ROBO1: variants seen among roughly 807,000 people sequenced by gnomAD.
ROBO1 encodes the protein roundabout guidance receptor 1.
In ROBO1, 149 loss-of-function variants were observed where a neutral mutation model predicts 195.9. The observed-to-expected ratio is 0.76, with a 90% CI of 0.67 to 0.87. The LOEUF is 0.87. Ranked by LOEUF, ROBO1 falls within the 40% of genes least tolerant of loss-of-function variation. The pLI is 0.00. For synonymous variants in ROBO1, 816 were observed against 733.2 expected (o/e 1.11, Z -1.82); for missense variants, 1,933 against 2,068.3 (o/e 0.93, Z 1.27).
rs1361267418 is a variant in ROBO1 at position 79,325,485 on chromosome 3, G to GA, written c.89-199947dup. On this transcript the variant is annotated intron_variant, in intron 2 of 30. Coordinates refer to ENST00000464233, the MANE Select transcript of ROBO1 (RefSeq NM_002941.4). ...TCTCATTGTCAAGATTATTTTCTGT[G>GA]AAAAAAATATCACATGCAAATATTA... Among the ~76,000 whole-genome samples the GA allele has an allele frequency of 3.3e-5, 5 of 152,220 alleles. No individual in the cohort carries two copies. The East Asian group carries it at 9.7e-4, about 29-fold the overall frequency.
intron 2 of ROBO1, among the ~76,000 whole-genome samples, chr3:79,242,271 GA>G (rs200561846): frequency 0.015 from 2,145 of 141,670 alleles, 28 homozygotes; most frequent in African/African-American, 0.036. Flanking sequence ...ATTGTGATAT[GA>G]AAAAAAAAAA....
chr3:79,157,766 G>T (rs1297667574), intron 2 of ROBO1, among the ~76,000 whole-genome samples: 2 of 151,844 alleles, frequency 1.3e-5, no homozygotes, highest in Non-Finnish European at 2.9e-5. Context: ...AATAATCTAG[G>T]TAACCACAGA....
intron 2 of ROBO1, among the ~76,000 whole-genome samples, chr3:79,293,731 C>A (rs942016417): frequency 7.9e-5 from 12 of 152,138 alleles, no homozygotes; most frequent in African/African-American, 2.4e-4. Flanking sequence ...CTATCCCCAT[C>A]AAGCTACCAT....
intron 5 of ROBO1, among the ~76,000 whole-genome samples, chr3:78,729,450 T>C (rs2082238972): frequency 6.6e-6 from 1 of 152,228 alleles, no homozygotes; most frequent in Non-Finnish European, 1.5e-5. Flanking sequence ...TTTGCTTGCT[T>C]AGGTGTAGCT....
intron 2 of ROBO1, among the ~76,000 whole-genome samples, chr3:79,333,410 A>T (rs1032557637): frequency 3.3e-5 from 5 of 152,178 alleles, no homozygotes; most frequent in African/African-American, 1.2e-4. Flanking sequence ...CTTATCAATT[A>T]TCAAGCATGT....
At chr3:79,118,598 G>T (rs192147559) in intron 3 of ROBO1, among the ~76,000 whole-genome samples, 1 of 151,976 alleles carries the variant, frequency 6.6e-6, no homozygotes. Context: ...GGCTGGGCGC[G>T]GTGGCTCACG....
Position 78,847,425 on chromosome 3 carries a change from G to A in ROBO1, c.499+91176C>T, listed in dbSNP as rs772106693. On this transcript the variant is annotated intron_variant, in intron 4 of 30. Transcript: ENST00000464233. ...CTGGTAGCTCGTGGAGATTAGTTCC[G>A]CCAGAATGTAGAGTACCTGAAGTTG... Among the ~76,000 whole-genome samples, 11 of 152,036 alleles carry A rather than the reference G, an allele frequency of 7.2e-5. No homozygotes were observed. The East Asian group carries it at 1.5e-3, about 21-fold the overall frequency.
At chr3:79,007,129 T>A (rs1375493187) in intron 3 of ROBO1, among the ~76,000 whole-genome samples, 1 of 150,846 alleles carries the variant, frequency 6.6e-6, no homozygotes, top group East Asian at 2.0e-4. Flanking sequence ...ATAAGAAAAA[T>A]TTAAAAAAAA....
chr3:78,860,326 A>ATATATATATATATATATTTT (rs376853384), intron 4 of ROBO1, among the ~76,000 whole-genome samples: 5 of 93,516 alleles, frequency 5.3e-5, no homozygotes, highest in African/African-American at 2.3e-4. Flanking sequence ...ATATATATAT[A>ATATATATATATATATATTTT]TTTTTTTTTT....
intron 2 of ROBO1, among the ~76,000 whole-genome samples, chr3:79,457,045 T>C (rs1486081504): frequency 6.6e-6 from 1 of 152,198 alleles, no homozygotes; most frequent in Admixed American, 6.5e-5. Context: ...AGTAATTTAA[T>C]ACTGGACACT....
chr3:78,761,037 G>C (rs1306345834), intron 4 of ROBO1, among the ~76,000 whole-genome samples: 1 of 151,940 alleles, frequency 6.6e-6, no homozygotes, highest in Non-Finnish European at 1.5e-5. Flanking sequence ...AGGCCCAGTA[G>C]ATTAAAGTAC....
chr3:79,729,642 T>C (rs1452859676), intron 1 of ROBO1, among the ~76,000 whole-genome samples: 3 of 152,178 alleles, frequency 2.0e-5, no homozygotes, highest in Non-Finnish European at 4.4e-5. Context: ...CTTATACACA[T>C]AATTTGCTCT....
intron 4 of ROBO1, among the ~76,000 whole-genome samples, chr3:78,916,394 A>G (rs1424004443): frequency 6.6e-6 from 1 of 151,890 alleles, no homozygotes. Flanking sequence ...TCTACTAAAA[A>G]TACAAGAATT....
chr3:78,840,931 G>C (rs1463854319), intron 4 of ROBO1, among the ~76,000 whole-genome samples: 1 of 151,326 alleles, frequency 6.6e-6, no homozygotes, highest in South Asian at 2.1e-4. Flanking sequence ...GCGTGGTGGT[G>C]GGCGCCTGTA....
At chr3:79,260,272 T>C (rs1179878375) in intron 2 of ROBO1, among the ~76,000 whole-genome samples, 1 of 152,026 alleles carries the variant, frequency 6.6e-6, no homozygotes, top group African/African-American at 2.4e-5. Context: ...TTATTTAAAA[T>C]GTGCTCTGGA....
chr3:78,637,683 T>C (rs1187291506), intron 22 of ROBO1, among the ~76,000 whole-genome samples: 2 of 152,192 alleles, frequency 1.3e-5, no homozygotes, highest in Non-Finnish European at 2.9e-5. Context: ...CCAGTTTTTC[T>C]TGTACTTATG....
intron 2 of ROBO1, among the ~76,000 whole-genome samples, chr3:79,258,233 C>A (rs2082874473): frequency 6.6e-6 from 1 of 152,088 alleles, no homozygotes; most frequent in Non-Finnish European, 1.5e-5. Flanking sequence ...GTTGTTGTTG[C>A]CAGTTTAACC....
chr3:79,750,654 G>T (rs1704093786), intron 1 of ROBO1, among the ~76,000 whole-genome samples: 1 of 152,164 alleles, frequency 6.6e-6, no homozygotes, highest in African/African-American at 2.4e-5. Context: ...ATGGGAGTTT[G>T]CCTGCACAAG....
At chr3:79,585,426 TG>T (rs1467252753) in intron 2 of ROBO1, among the ~76,000 whole-genome samples, 5 of 152,008 alleles carry the variant, frequency 3.3e-5, no homozygotes, top group African/African-American at 1.2e-4. Context: ...ATTGAGCTAA[TG>T]CCTTTCATCC....
Sources: allele counts gnomAD v4.1 joint callset (sites outside exome capture counted in the v4.1 genomes callset), GRCh38; gene constraint gnomAD v4.1.1; transcripts MANE v1.5; gene names NCBI Gene and HGNC (gene_info 2026-07-23, HGNC 2026-07-21).